UNC80: variants seen among roughly 807,000 people sequenced by gnomAD.
UNC80 encodes the protein unc-80 subunit of NALCN channel complex.
A neutral mutation model predicts 384.6 loss-of-function variants in UNC80; 164 were observed. The ratio of observed to expected loss-of-function variants is 0.43; its 90% CI spans 0.38 to 0.49. UNC80 has a LOEUF of 0.49. Ranked by LOEUF, UNC80 falls within the 20% of genes least tolerant of loss-of-function variation. The pLI is 0.00. For synonymous variants in UNC80, 1,486 were observed against 1,527.8 expected, an observed-to-expected ratio of 0.97 and a Z score of 0.64; for missense variants, 3,330 against 4,143.0, an observed-to-expected ratio of 0.80 and a Z score of 5.39.
chr2:209,821,498 C>T (rs2080130896), intron 13 of UNC80, among the ~76,000 whole-genome samples: 1 of 152,180 alleles, frequency 6.6e-6, no homozygotes, highest in African/African-American at 2.4e-5. Flanking sequence ...CCAGCTTCAA[C>T]CACAGTTAAG....
At chr2:209,862,246 A>T (rs2124863688) in intron 22 of UNC80, among the ~76,000 whole-genome samples, 1 of 152,078 alleles carries the variant, frequency 6.6e-6, no homozygotes, top group Admixed American at 6.5e-5. Context: ...CTTTGTTCTC[A>T]TTGGCTTCAA....
At chr2:209,852,745 G>A (rs2082621406) in intron 22 of UNC80, among the ~76,000 whole-genome samples, 1 of 152,068 alleles carries the variant, frequency 6.6e-6, no homozygotes, top group South Asian at 2.1e-4. Context: ...GTTCCTCAGG[G>A]TTATGCTAAC....
chr2:209,947,328 A>G (rs1382433525), intron 47 of UNC80, among the ~76,000 whole-genome samples: 4 of 152,232 alleles, frequency 2.6e-5, no homozygotes, highest in African/African-American at 9.6e-5. Flanking sequence ...AATAAAATGC[A>G]TACAGATTCT....
chr2:209,842,484 T>C (rs2124823130), intron 21 of UNC80, 38 bp downstream of exon 21: 1 of 1,425,900 alleles, frequency 7.0e-7, no homozygotes, highest in Non-Finnish European at 9.6e-7. Context: ...ATTCAACTTT[T>C]ATCACACAGA....
intron 61 of UNC80, 73 bp from the exon 62 acceptor site, chr2:209,992,093 T>C: frequency 8.1e-7 from 1 of 1,240,218 alleles, no homozygotes; most frequent in Non-Finnish European, 1.1e-6. Context: ...ACAAGTGATT[T>C]TGGCTAACAC....
At position 209,982,165 on chromosome 2, in the gene UNC80, T is replaced by G; in HGVS notation, c.9119-14T>G. The G allele has an allele frequency of 6.5e-7, 1 of 1,550,254 alleles. No individual in the cohort carries two copies. Among genetic ancestry groups the G allele is most frequent in the African/African-American group, 1.4e-5 (1 of 73,138 alleles). ...CATAGTTTTTGTAACACTCTATTCC[T>G]TTGCCCCTTTTAGATGACTCTATAA... On this transcript the variant is annotated splice_polypyrimidine_tract_variant and intron_variant, in intron 59 of 64. Coordinates refer to ENST00000673920, the MANE Select transcript of UNC80 (RefSeq NM_001371986.1).
At chr2:209,858,218 AT>A (rs1354487516) in intron 22 of UNC80, among the ~76,000 whole-genome samples, 7 of 152,148 alleles carry the variant, frequency 4.6e-5, no homozygotes, top group Admixed American at 2.0e-4. Context: ...ATTTCTAATG[AT>A]TTGAACCATT....
chr2:209,837,187 A>G (rs1574663586), intron 18 of UNC80, among the ~76,000 whole-genome samples: 1 of 137,192 alleles, frequency 7.3e-6, no homozygotes, highest in Non-Finnish European at 1.6e-5. Context: ...ATATCTGTAG[A>G]AAATAATTGC....
chr2:209,868,533 C>G (rs151064468), intron 22 of UNC80, among the ~76,000 whole-genome samples: 1 of 152,062 alleles, frequency 6.6e-6, no homozygotes, highest in East Asian at 1.9e-4. Context: ...GCACAGCTAT[C>G]GAAATTAGTA....
Position 209,973,043 on chromosome 2 carries a change from CT to C in UNC80, c.8381-19del. 6.4e-7 allele frequency: 1 copy of C among 1,550,542 alleles called. No individual in the cohort carries two copies. The highest frequency in any genetic ancestry group is 8.7e-7 in the Non-Finnish European group (1 of 1,146,468). On this transcript the variant is annotated intron_variant, in intron 55 of 64. Transcript: ENST00000673920. ...GTGATGTTTTTCTTTCCACTTCCGTCTTCCAAATTCTGCCCCTCAGATAGCC... is the reference window on the plus strand; with the variant it reads ...GTGATGTTTTTCTTTCCACTTCCGTCTCCAAATTCTGCCCCTCAGATAGCC...
At position 209,900,604 on chromosome 2, in the gene UNC80, G is replaced by A. The variant is rs187086560; in HGVS notation, c.4582-4161G>A. Among the ~76,000 whole-genome samples the A allele has an allele frequency of 2.6e-5, 4 of 152,274 alleles. No individual in the cohort carries two copies. The East Asian group carries it at 7.7e-4, about 29-fold the overall frequency. ...AATAACCCTACAATGGCCTGTAAGT[G>A]TTCAAGTGAAGGAAGAGTTGTGTGT... On this transcript the variant is annotated intron_variant, in intron 28 of 64. Transcript: ENST00000673920.
intron 61 of UNC80, among the ~76,000 whole-genome samples, chr2:209,989,278 T>A (rs555520700): frequency 1.2e-3 from 186 of 150,742 alleles, no homozygotes; most frequent in Non-Finnish European, 2.4e-3. Context: ...TGAGCCAAGA[T>A]AGTGCCACTT....
rs369199451 is a variant in UNC80, at chr2:209,978,518, G to T, written c.8939-11G>T. The T allele has an allele frequency of 1.3e-6, 2 of 1,521,040 alleles. No homozygotes were observed. Among genetic ancestry groups the T allele is most frequent in the Admixed American group, 2.0e-5 (1 of 50,210 alleles). The allele number at this position is 1,521,040 out of a possible 1,614,324, so 94.2% of individuals were successfully genotyped here. On this transcript the variant is annotated splice_polypyrimidine_tract_variant and intron_variant, in intron 58 of 64. Transcript: ENST00000673920. The stretch of plus-strand genomic sequence containing the variant: ...CACCATGCATTTCCTTTGGTCTCTC[G>T]CATCCTCTAGCCTACCAAGGCAAGA...
At chr2:209,797,933 T>C (rs1040345376) in intron 7 of UNC80, among the ~76,000 whole-genome samples, 3 of 152,264 alleles carry the variant, frequency 2.0e-5, no homozygotes, top group African/African-American at 4.8e-5. Context: ...TTTTTTCATA[T>C]GTTTGTCAGC....
At chr2:209,821,853 C>T (rs2080155265) in intron 13 of UNC80, among the ~76,000 whole-genome samples, 2 of 152,160 alleles carry the variant, frequency 1.3e-5, no homozygotes, top group South Asian at 4.1e-4. Flanking sequence ...ATACTCTACA[C>T]ATCATGTCAA....
At chr2:209,868,898 T>C (rs2084060395) in intron 22 of UNC80, among the ~76,000 whole-genome samples, 1 of 152,214 alleles carries the variant, frequency 6.6e-6, no homozygotes, top group Non-Finnish European at 1.5e-5. Flanking sequence ...TACGAAGTTA[T>C]AATATAATGG....
Position 209,772,016 on chromosome 2 carries a change from G to T in UNC80, c.-57G>T, listed in dbSNP as rs2076599842. 1.5e-6 allele frequency: 2 copies of T among 1,324,512 alleles called. No individual in the cohort carries two copies. The highest frequency in any genetic ancestry group is 2.9e-5 in the African/African-American group (2 of 68,148). 82.0% of individuals were successfully genotyped at this position (1,324,512 alleles called of 1,614,324 possible). A position where few individuals can be genotyped will look rare whatever the true frequency, so the allele number is the denominator to read the frequency against. On this transcript the variant is annotated 5_prime_UTR_variant, in exon 1 of 65. Transcript: ENST00000673920. ...GGAGCAGCGGGAGGAGGCGGCGGCG[G>T]CGGCTAGCGAGGAGACAGAGCTGGG... is the stretch of plus-strand genomic sequence containing the variant.
rs936110110 is a variant in UNC80, at chr2:209,807,573, C to T, written c.939-6007C>T. 2.6e-5 allele frequency among the ~76,000 whole-genome samples: 4 copies of T among 152,118 alleles called. No individual in the cohort carries two copies. The South Asian group carries it at 8.3e-4, about 32-fold the overall frequency. On this transcript the variant is annotated intron_variant, in intron 7 of 64. Transcript: ENST00000673920. ...AGAAACGGGGTTTCACCGTGTTAGC[C>T]AGGATGGTCTCGATCTCCTGACCTC...
intron 4 of UNC80, among the ~76,000 whole-genome samples, chr2:209,783,640 T>A (rs1049093857): frequency 1.3e-5 from 2 of 152,110 alleles, no homozygotes; most frequent in East Asian, 3.9e-4. Flanking sequence ...AGTCAGTGAG[T>A]GCTGTGTCAT....
Sources: allele counts gnomAD v4.1 joint callset (sites outside exome capture counted in the v4.1 genomes callset), GRCh38; gene constraint gnomAD v4.1.1; transcripts MANE v1.5; gene names NCBI Gene and HGNC (gene_info 2026-07-23, HGNC 2026-07-21).